NBAS: variants seen among roughly 807,000 people sequenced by gnomAD.
NBAS encodes NAG/BC035112 fusion.
A neutral mutation model predicts 302.5 loss-of-function variants in NBAS; 219 were observed. That is an observed-to-expected ratio of 0.72 (90% CI 0.65 to 0.81). The LOEUF is 0.81. NBAS is among the 30% of genes least tolerant of loss of function. The pLI, the probability that NBAS is intolerant of heterozygous loss-of-function variation, is 0.00. For missense variants in NBAS, 2,932 were observed against 2,841.6 expected (o/e 1.03, Z -0.72); for synonymous variants, 1,118 against 1,021.6 (o/e 1.09, Z -1.80).
chr2:15,367,669 C>T (rs115285372), intron 31 of NBAS, among the ~76,000 whole-genome samples: 115 of 152,318 alleles, frequency 7.5e-4, no homozygotes, highest in African/African-American at 2.6e-3. Flanking sequence ...TTCCTAAACC[C>T]ATGGCTGTTC....
the NBAS span, among the ~76,000 whole-genome samples, chr2:14,988,403 T>C: frequency 3.3e-5 from 5 of 152,332 alleles, no homozygotes; most frequent in Admixed American, 2.0e-4. Context: ...CAACGTATTA[T>C]AAATGGAAAA....
At position 15,474,317 on chromosome 2, in the gene NBAS, A is replaced by G. The variant is rs1248187538; in HGVS notation, c.1349T>C (p.Ile450Thr). The change falls in exon 15 of 52, where the codon ATT (isoleucine) becomes ACT (threonine). Residue 450 changes from isoleucine (I) to threonine (T), a missense_variant. Ile to Thr is a moderately conservative substitution (Grantham distance 89, BLOSUM62 -1). Coordinates refer to ENST00000281513, the MANE Select transcript of NBAS (RefSeq NM_015909.4). Reference protein sequence around the residue: ...DGGFLSLECEIKLAPKRSRLE... With the variant: ...DGGFLSLECETKLAPKRSRLE... ...ACGAGATCGTTTGGGGGCAAGTTTA[A>G]TCTCACACTAAATTGAAAAAGGAGA... 6.2e-7 allele frequency: 1 copy of G among 1,612,128 alleles called. No individual in the cohort carries two copies. Among genetic ancestry groups the G allele is most frequent in the Admixed American group, 1.7e-5 (1 of 59,806 alleles).
At chr2:14,849,241 G>T in the NBAS span, among the ~76,000 whole-genome samples, 1 of 151,664 alleles carries the variant, frequency 6.6e-6, no homozygotes, top group Non-Finnish European at 1.5e-5. Context: ...AGGAGCTGAT[G>T]GAGCTGAAAA....
the NBAS span, among the ~76,000 whole-genome samples, chr2:15,068,795 C>T: frequency 6.6e-6 from 1 of 152,202 alleles, no homozygotes; most frequent in Admixed American, 6.5e-5. Context: ...CTTTATCTAC[C>T]TGTATTAATC....
rs1664117606 is a variant in NBAS at position 15,168,058 on chromosome 2, G to A, written c.6841-735C>T. On this transcript the variant is annotated intron_variant, in intron 51 of 51. Transcript: ENST00000281513. The stretch of plus-strand genomic sequence containing the variant: ...GCGTATTCTCTTTCTCCCTGGTCTT[G>A]TCTTCTAAATATATGTATTATTTTC... Among the ~76,000 whole-genome samples, 7 of 152,192 alleles carry A rather than the reference G, an allele frequency of 4.6e-5. No homozygotes were observed. In the South Asian group the frequency reaches 1.5e-3, roughly 32 times the overall value.
At chr2:15,551,279 T>TG (rs778925029) in intron 6 of NBAS, among the ~76,000 whole-genome samples, 33 of 151,156 alleles carry the variant, frequency 2.2e-4, no homozygotes, top group Non-Finnish European at 1.3e-4. Context: ...TAGACTTTTT[T>TG]AGAACCCAGT....
chr2:14,801,848 C>T, the NBAS span, among the ~76,000 whole-genome samples: 841 of 151,518 alleles, frequency 5.6e-3, 8 homozygotes, highest in African/African-American at 0.019. Flanking sequence ...TCATGTCCTT[C>T]GCCCACTTTT....
intron 41 of NBAS, among the ~76,000 whole-genome samples, chr2:15,289,836 A>T (rs75727607): frequency 0.029 from 4,431 of 152,140 alleles, 188 homozygotes; most frequent in African/African-American, 0.096. Context: ...TCTCTACTGA[A>T]AATACAAAAA....
At chr2:15,358,429 C>T (rs917664657) in intron 32 of NBAS, among the ~76,000 whole-genome samples, 8 of 151,872 alleles carry the variant, frequency 5.3e-5, no homozygotes, top group East Asian at 1.9e-4. Flanking sequence ...TGTGCATGTG[C>T]GCGTGTGCCC....
At chr2:14,851,266 G>C in the NBAS span, among the ~76,000 whole-genome samples, 1 of 144,832 alleles carries the variant, frequency 6.9e-6, no homozygotes, top group Non-Finnish European at 1.5e-5. Flanking sequence ...CGATCCCACA[G>C]AAATACAAAC....
the NBAS span, among the ~76,000 whole-genome samples, chr2:15,034,001 A>G: frequency 4.5e-5 from 2 of 44,866 alleles, no homozygotes; most frequent in Non-Finnish European, 7.1e-5. Context: ...GAAGAAGAAG[A>G]AGAAGAAGAA....
At chr2:15,303,963 T>C (rs1670920962) in intron 40 of NBAS, among the ~76,000 whole-genome samples, 3 of 152,180 alleles carry the variant, frequency 2.0e-5, no homozygotes, top group African/African-American at 7.2e-5. Context: ...AGCAAGGTCT[T>C]GAGGTCCAGC....
chr2:14,893,765 T>A, the NBAS span, among the ~76,000 whole-genome samples: 3 of 152,302 alleles, frequency 2.0e-5, no homozygotes, highest in Admixed American at 6.5e-5. Flanking sequence ...TTTTGCAGTG[T>A]TAATTGCTAC....
chr2:15,319,710 T>TTTG (rs1671703251), intron 38 of NBAS, among the ~76,000 whole-genome samples: 1 of 152,128 alleles, frequency 6.6e-6, no homozygotes, highest in Admixed American at 6.5e-5. Flanking sequence ...AAGTTGACTC[T>TTTG]TTGAATAGAC....
At chr2:15,348,100 C>A (rs1309131421) in intron 35 of NBAS, among the ~76,000 whole-genome samples, 1 of 152,170 alleles carries the variant, frequency 6.6e-6, no homozygotes, top group African/African-American at 2.4e-5. Flanking sequence ...ATGTGTAACA[C>A]ACGGCATCTT....
chr2:15,397,582 C>T, intron 26 of NBAS: 2 of 620,468 alleles, frequency 3.2e-6, no homozygotes, highest in Non-Finnish European at 6.0e-6. Context: ...GCTTCACATA[C>T]AGCTTGGGAA....
chr2:15,034,821 C>A, the NBAS span, among the ~76,000 whole-genome samples: 1 of 152,110 alleles, frequency 6.6e-6, no homozygotes, highest in Admixed American at 6.5e-5. Context: ...CCAGCCCTTC[C>A]TCAGGGGAAA....
the NBAS span, among the ~76,000 whole-genome samples, chr2:15,152,224 T>A: frequency 6.6e-6 from 1 of 152,224 alleles, no homozygotes; most frequent in African/African-American, 2.4e-5. Flanking sequence ...AAAAGTCAGC[T>A]GACTGATGTT....
chr2:15,531,214 GA>G (rs1438240356), intron 9 of NBAS, among the ~76,000 whole-genome samples: 1 of 152,042 alleles, frequency 6.6e-6, no homozygotes, highest in Non-Finnish European at 1.5e-5. Flanking sequence ...AATAAACCAA[GA>G]AAGAAAAAAA....
Sources: allele counts gnomAD v4.1 joint callset (sites outside exome capture counted in the v4.1 genomes callset), GRCh38; gene constraint gnomAD v4.1.1; transcripts MANE v1.5; gene names NCBI Gene and HGNC (gene_info 2026-07-23, HGNC 2026-07-21).